AP2B1: variants seen among roughly 807,000 people sequenced by gnomAD.
AP2B1 encodes the protein AP-2 complex subunit beta.
AP2B1 carries 23 observed loss-of-function variants against 102.0 expected under a neutral mutation model. The observed-to-expected ratio is 0.23, with a 90% confidence interval of 0.16 to 0.32. AP2B1 has a LOEUF of 0.32. Among genes scored for constraint, AP2B1 ranks in the 10% least tolerant of loss-of-function variants. AP2B1 has a pLI of 1.00. For missense variants in AP2B1, 541 were observed against 1,157.4 expected (o/e 0.47, Z 7.73); for synonymous variants, 381 against 421.2 (o/e 0.90, Z 1.17).
intron 4 of AP2B1, among the ~76,000 whole-genome samples, chr17:35,606,948 C>T (rs986497283): frequency 6.0e-5 from 9 of 151,130 alleles, no homozygotes; most frequent in Non-Finnish European, 1.2e-4. Flanking sequence ...TCTTGTTGCC[C>T]GGGCTGGAGT....
chr17:35,704,078 A>G (rs2076293353), intron 18 of AP2B1, among the ~76,000 whole-genome samples: 2 of 152,190 alleles, frequency 1.3e-5, no homozygotes, highest in South Asian at 2.1e-4. Flanking sequence ...TCTCCCTCCA[A>G]CAACAATATC....
At chr17:35,670,832 C>T in intron 14 of AP2B1, 25 bp from the exon 15 acceptor site, 1 of 1,613,280 alleles carries the variant, frequency 6.2e-7, no homozygotes, top group Non-Finnish European at 8.5e-7. Context: ...ACCTCTCTCT[C>T]CTCTCTCTCC....
intron 13 of AP2B1, among the ~76,000 whole-genome samples, chr17:35,653,327 T>G (rs2075135863): frequency 6.6e-6 from 1 of 152,218 alleles, no homozygotes; most frequent in Non-Finnish European, 1.5e-5. Flanking sequence ...GAGCCAACAC[T>G]TAATCCCCTG....
At chr17:35,598,376 C>T (rs1185707540) in intron 3 of AP2B1, 41 bp downstream of exon 3, 1 of 1,246,182 alleles carries the variant, frequency 8.0e-7, no homozygotes, top group South Asian at 1.5e-5. Flanking sequence ...TTCAGAGGTC[C>T]ATACCCCATC....
At chr17:35,640,098 G>A (rs966596665) in intron 11 of AP2B1, among the ~76,000 whole-genome samples, 5 of 151,970 alleles carry the variant, frequency 3.3e-5, no homozygotes, top group South Asian at 2.1e-4. Flanking sequence ...TATATTTTTA[G>A]TGGAGACAGG....
chr17:35,608,084 G>A, intron 4 of AP2B1, 58 bp from the exon 5 acceptor site: 1 of 1,596,166 alleles, frequency 6.3e-7, no homozygotes, highest in Non-Finnish European at 8.6e-7. Flanking sequence ...ACATAAACTG[G>A]ACTGTTTACT....
chr17:35,680,716 T>TTTC (rs1567972495), intron 17 of AP2B1, among the ~76,000 whole-genome samples: 1 of 149,390 alleles, frequency 6.7e-6, no homozygotes, highest in African/African-American at 2.5e-5. Flanking sequence ...TTTTTTTTTT[T>TTTC]CAGACAGTCT....
At chr17:35,589,250 T>C (rs2073005390) in intron 1 of AP2B1, among the ~76,000 whole-genome samples, 2 of 152,212 alleles carry the variant, frequency 1.3e-5, no homozygotes, top group Non-Finnish European at 2.9e-5. Flanking sequence ...TAGAAATGAA[T>C]TTGGCACCTC....
At chr17:35,700,101 A>G (rs1194975174) in intron 18 of AP2B1, among the ~76,000 whole-genome samples, 1 of 151,858 alleles carries the variant, frequency 6.6e-6, no homozygotes, top group East Asian at 1.9e-4. Flanking sequence ...GTATCAAAAA[A>G]GAAATTAAAA....
chr17:35,622,190 G>C (rs2074198172), intron 5 of AP2B1, among the ~76,000 whole-genome samples: 1 of 152,186 alleles, frequency 6.6e-6, no homozygotes, highest in African/African-American at 2.4e-5. Flanking sequence ...AGGTGGGCTA[G>C]ATAAGTTTTC....
At position 35,704,086 on chromosome 17, in the gene AP2B1, A is replaced by G. The variant is rs185867209; in HGVS notation, c.2455-5138A>G. ...TTTCCTGTCTCCCTCCAACAACAAT[A>G]TCATGCTCTTTAAAGCTGATTTAGT... On this transcript the variant is annotated intron_variant, in intron 18 of 21. Transcript: ENST00000610402. Among the ~76,000 whole-genome samples the G allele has an allele frequency of 3.1e-4, 47 of 152,286 alleles. 2 individuals carry two copies. The highest frequency in any genetic ancestry group is 1.1e-3 in the African/African-American group (47 of 41,530).
intron 20 of AP2B1, among the ~76,000 whole-genome samples, chr17:35,711,629 C>T (rs7216835): frequency 0.017 from 2,517 of 152,172 alleles, 68 homozygotes; most frequent in African/African-American, 0.058. Flanking sequence ...CCACCACACC[C>T]GGCTAATTTT....
Position 35,597,223 on chromosome 17 carries a change from A to G in AP2B1, c.38-1007A>G, listed in dbSNP as rs796333712. 5.5e-5 allele frequency: 22 copies of G among 402,914 alleles called. No individual in the cohort carries two copies. The South Asian group carries it at 5.6e-4, about 10-fold the overall frequency. 25.0% of individuals were successfully genotyped at this position (402,914 alleles called of 1,614,324 possible). A position where few individuals can be genotyped will look rare whatever the true frequency, so the allele number is the denominator to read the frequency against. On this transcript the variant is annotated intron_variant, in intron 2 of 21. Transcript: ENST00000610402. ...GTGGAGGAAAGTCTTTTGAGGCAGT[A>G]TGGTAGATGAGCTGGAGGATGTAGA...
chr17:35,651,266 T>C (rs945908047), intron 13 of AP2B1, among the ~76,000 whole-genome samples: 2 of 150,884 alleles, frequency 1.3e-5, no homozygotes, highest in Non-Finnish European at 3.0e-5. Flanking sequence ...GAAATAATAT[T>C]TCAGTATTGT....
chr17:35,592,539 C>CTATTTATT (rs915096702), intron 1 of AP2B1, among the ~76,000 whole-genome samples: 53 of 151,492 alleles, frequency 3.5e-4, no homozygotes, highest in African/African-American at 1.3e-3. Context: ...GCCCAAATTC[C>CTATTTATT]TATTTATTTA....
intron 15 of AP2B1, 136 bp from the exon 16 acceptor site, chr17:35,671,618 T>C (rs2075588602): frequency 1.2e-6 from 1 of 865,572 alleles, no homozygotes; most frequent in Non-Finnish European, 1.8e-6. Context: ...AATATACTAA[T>C]TTGACTCCTA....
At chr17:35,630,809 A>G (rs889665810) in intron 9 of AP2B1, among the ~76,000 whole-genome samples, 3 of 152,134 alleles carry the variant, frequency 2.0e-5, no homozygotes, top group Admixed American at 2.0e-4. Context: ...CTTTCCCAGG[A>G]AACTTAAGGT....
intron 12 of AP2B1, among the ~76,000 whole-genome samples, chr17:35,649,354 C>T (rs932304399): frequency 5.3e-5 from 8 of 152,100 alleles, no homozygotes; most frequent in East Asian, 1.9e-4. Flanking sequence ...CTGCAACCTC[C>T]GCCTCCCGGG....
In AP2B1 at chr17:35,626,742, C is replaced by G. The variant is rs1048534213; in HGVS notation, c.838C>G (p.Leu280Val). Residue 280 changes from leucine to valine, a missense_variant, in exon 7 of 22, where the codon CTG becomes GTG. Transcript: ENST00000610402. ...TAAGGATTCTGACTACTACAATATG[C>G]TGCTGAAGAAGTTAGCCCCTCCACT... ...LPKDSDYYNM[L>V]LKKLAPPLVT... 6.2e-7 allele frequency: 1 copy of G among 1,613,926 alleles called. No individual in the cohort carries two copies.
Sources: allele counts gnomAD v4.1 joint callset (sites outside exome capture counted in the v4.1 genomes callset), GRCh38; gene constraint gnomAD v4.1.1; transcripts MANE v1.5; gene names NCBI Gene and HGNC (gene_info 2026-07-23, HGNC 2026-07-21).